UNC79: variants seen among roughly 807,000 people sequenced by gnomAD.
The protein encoded by UNC79 is unc-79 subunit of NALCN channel complex.
Under a neutral mutation model 283.1 loss-of-function variants are expected in UNC79, and 37 were observed. That is an observed-to-expected ratio of 0.13 (90% confidence interval 0.10 to 0.17). UNC79 has a LOEUF of 0.17. Ranked by LOEUF, UNC79 falls within the 10% of genes least tolerant of loss-of-function variation. The pLI is 1.00. For missense variants in UNC79, 2,272 were observed against 3,211.1 expected (o/e 0.71, Z 7.07); for synonymous variants, 1,107 against 1,200.2 (o/e 0.92, Z 1.61).
intron 1 of UNC79, among the ~76,000 whole-genome samples, chr14:93,440,223 G>GTACC (rs2056242567): frequency 6.8e-6 from 1 of 147,054 alleles, no homozygotes; most frequent in Admixed American, 6.8e-5. Context: ...AAGGATTTTG[G>GTACC]TACCTGCAGA....
intron 26 of UNC79, 89 bp downstream of exon 26, chr14:93,603,507 G>A: frequency 1.4e-6 from 2 of 1,424,922 alleles, no homozygotes; most frequent in African/African-American, 1.4e-5. Flanking sequence ...AGAGAGTATA[G>A]CATGTTTAGC....
chr14:93,484,573 G>C (rs1266656659), intron 4 of UNC79, among the ~76,000 whole-genome samples: 2 of 152,154 alleles, frequency 1.3e-5, no homozygotes, highest in African/African-American at 4.8e-5. Flanking sequence ...GGAGGATAGG[G>C]AATAGGACTG....
chr14:93,682,531 A>T, intron 41 of UNC79, 86 bp from the exon 45 acceptor site: 1 of 1,189,690 alleles, frequency 8.4e-7, no homozygotes, highest in Non-Finnish European at 1.2e-6. Context: ...AACACTAATT[A>T]ATTTAAGCCA....
Position 93,355,791 on chromosome 14 carries a change from C to A in UNC79, c.-351+22268C>A, listed in dbSNP as rs527475297. Among the ~76,000 whole-genome samples, 3 of 152,292 alleles carry A rather than the reference C, an allele frequency of 2.0e-5. No individual in the cohort carries two copies. In the South Asian group the frequency reaches 6.2e-4, roughly 32 times the overall value. ...TTTTCATGCCCCTATCCTATCAATG[C>A]ACCAGTTTTTCAGATTGCCTGCAGC... On this transcript the variant is annotated intron_variant, in intron 1 of 49. Transcript: ENST00000256339.
rs546458798 is a variant in UNC79, at chr14:93,613,584, T to C, written c.4041+501T>C. 1.3e-4 allele frequency among the ~76,000 whole-genome samples: 20 copies of C among 152,094 alleles called. No homozygotes were observed. In the South Asian group the frequency reaches 4.2e-3, roughly 32 times the overall value. The stretch of plus-strand genomic sequence containing the variant: ...CGCCCGCCACCATGCCCAGCTAATT[T>C]TTTATATTTTTAGTAGAGATGGGGT... On this transcript the variant is annotated intron_variant, in intron 27 of 48. Transcript: ENST00000555664.
chr14:93,390,993 GA>G (rs1274442418), intron 1 of UNC79, among the ~76,000 whole-genome samples: 1 of 152,102 alleles, frequency 6.6e-6, no homozygotes, highest in African/African-American at 2.4e-5. Flanking sequence ...AAAATTAAAA[GA>G]TCAATAATAG....
intron 41 of UNC79, among the ~76,000 whole-genome samples, chr14:93,679,208 C>G (rs372313927): frequency 4.7e-4 from 71 of 152,176 alleles, no homozygotes; most frequent in African/African-American, 1.6e-3. Flanking sequence ...CGCCTGTAAT[C>G]CCAACACTTT....
chr14:93,653,159 C>T (rs1309000431), intron 35 of UNC79, among the ~76,000 whole-genome samples: 1 of 152,090 alleles, frequency 6.6e-6, no homozygotes, highest in Admixed American at 6.6e-5. Flanking sequence ...GTCTAAGGGG[C>T]AGGGCCTCAT....
At chr14:93,418,495 T>G (rs1229338762) in intron 1 of UNC79, among the ~76,000 whole-genome samples, 1 of 151,754 alleles carries the variant, frequency 6.6e-6, no homozygotes, top group African/African-American at 2.4e-5. Context: ...GAGGAGGCAG[T>G]CTGCCCGTTC....
chr14:93,466,062 T>C (rs1204993313), intron 1 of UNC79, among the ~76,000 whole-genome samples: 1 of 152,218 alleles, frequency 6.6e-6, no homozygotes, highest in Non-Finnish European at 1.5e-5. Context: ...TCACCTATTA[T>C]CTCAGGAAAA....
intron 20 of UNC79, among the ~76,000 whole-genome samples, chr14:93,584,496 C>T (rs1258575564): frequency 6.6e-6 from 1 of 152,160 alleles, no homozygotes; most frequent in East Asian, 1.9e-4. Flanking sequence ...GCTGCAGCAG[C>T]CAGGGCCCAG....
intron 1 of UNC79, among the ~76,000 whole-genome samples, chr14:93,432,525 A>G (rs1262879013): frequency 6.6e-6 from 1 of 152,254 alleles, no homozygotes; most frequent in South Asian, 2.1e-4. Flanking sequence ...AATGATGGCT[A>G]TGATAATGAC....
At chr14:93,378,282 T>C (rs2054600554) in intron 1 of UNC79, among the ~76,000 whole-genome samples, 1 of 152,222 alleles carries the variant, frequency 6.6e-6, no homozygotes, top group Non-Finnish European at 1.5e-5. Flanking sequence ...TGTATTGACT[T>C]CTTGAGGATT....
At chr14:93,585,802 T>G (rs1302603308) in intron 20 of UNC79, among the ~76,000 whole-genome samples, 1 of 152,116 alleles carries the variant, frequency 6.6e-6, no homozygotes, top group Non-Finnish European at 1.5e-5. Flanking sequence ...TTCAACTGTT[T>G]CAAAATCTAC....
At chr14:93,589,930 G>T (rs1263308233) in intron 22 of UNC79, among the ~76,000 whole-genome samples, 2 of 152,156 alleles carry the variant, frequency 1.3e-5, no homozygotes, top group Non-Finnish European at 2.9e-5. Flanking sequence ...GTATGGTGGT[G>T]CAAGCCTTTA....
At chr14:93,378,205 A>C (rs2139982034) in intron 1 of UNC79, among the ~76,000 whole-genome samples, 1 of 152,354 alleles carries the variant, frequency 6.6e-6, no homozygotes, top group African/African-American at 2.4e-5. Flanking sequence ...GCTTCCCTGC[A>C]GGGACAAGAT....
chr14:93,467,655 T>TATG lies in UNC79; in HGVS notation c.23-16_23-15insATG. 2 of 1,157,456 alleles carry TATG rather than the reference T, an allele frequency of 1.7e-6. No homozygotes were observed. The highest frequency in any genetic ancestry group is 2.1e-6 in the Non-Finnish European group (2 of 943,400). The allele number at this position is 1,157,456 out of a possible 1,614,324, so 71.7% of individuals were successfully genotyped here. On this transcript the variant is annotated splice_polypyrimidine_tract_variant and intron_variant, in intron 1 of 48. Transcript: ENST00000555664. ...TTTTTTTTTTTTTTTTTTTTTTTTT[T>TATG]TTTGCTTTTATCTAGTTGCTTCCAA...
At chr14:93,487,843 G>T (rs925655026) in intron 5 of UNC79, 88 bp downstream of exon 5, 25 of 1,288,346 alleles carry the variant, frequency 1.9e-5, no homozygotes, top group Non-Finnish European at 2.7e-5. Flanking sequence ...TCTCATGTGA[G>T]AACGTCATCA....
intron 45 of UNC79, chr14:93,691,529 A>G: frequency 1.7e-6 from 1 of 589,700 alleles, no homozygotes; most frequent in South Asian, 2.2e-5. Context: ...CTTCTCTTAA[A>G]AAATGTGCTT....
Sources: gnomAD v4.1 joint callset for allele counts (sites outside exome capture counted in the v4.1 genomes callset) on GRCh38, gnomAD v4.1.1 for gene constraint, MANE v1.5 for transcripts, NCBI Gene and HGNC (gene_info 2026-07-23, HGNC 2026-07-21) for gene names.